Variants in DOT1L observed in about 807,000 individuals in gnomAD.
The protein encoded by DOT1L is DOT1 like histone lysine methyltransferase.
DOT1L carries 33 observed loss-of-function variants against 153.3 expected under a neutral mutation model. The observed-to-expected ratio is 0.22, with a 90% CI of 0.16 to 0.29. DOT1L has a LOEUF of 0.29. Among genes scored for constraint, DOT1L ranks in the 10% least tolerant of loss-of-function variants. The pLI is 1.00. For synonymous variants in DOT1L, 1,135 were observed against 965.1 expected (o/e 1.18, Z -3.26); for missense variants, 1,847 against 2,119.9 (o/e 0.87, Z 2.53).
chr19:2,206,694 C>G (rs748224363), intron 9 of DOT1L, 35 bp from the exon 10 acceptor site: 32 of 1,611,124 alleles, frequency 2.0e-5, no homozygotes, highest in Admixed American at 3.3e-5. Context: ...TGTTTCCTCT[C>G]TCCTGTGTGG....
At chr19:2,225,956 C>T (rs755551485) in intron 26 of DOT1L, among the ~76,000 whole-genome samples, 22 of 152,206 alleles carry the variant, frequency 1.4e-4, no homozygotes, top group Admixed American at 1.4e-3. Flanking sequence ...CAGTCCCGTC[C>T]CCTGCCATCT....
intron 22 of DOT1L, among the ~76,000 whole-genome samples, chr19:2,218,326 T>C (rs1379782168): frequency 1.2e-4 from 18 of 152,246 alleles, no homozygotes; most frequent in Non-Finnish European, 1.5e-5. Context: ...TTTCTGGGCA[T>C]TGAACTATTT....
intron 25 of DOT1L, among the ~76,000 whole-genome samples, chr19:2,225,013 C>A (rs1008309450): frequency 6.6e-6 from 1 of 152,190 alleles, no homozygotes; most frequent in Non-Finnish European, 1.5e-5. Flanking sequence ...TTGTTTGCCA[C>A]CTGAGGCACC....
intron 25 of DOT1L, 35 bp downstream of exon 25, chr19:2,223,521 G>C: frequency 6.9e-7 from 1 of 1,451,734 alleles, no homozygotes; most frequent in South Asian, 1.2e-5. Flanking sequence ...GCGGGGCCTG[G>C]CAGCAGGGGC....
intron 5 of DOT1L, among the ~76,000 whole-genome samples, chr19:2,192,908 C>T (rs1421739599): frequency 6.6e-6 from 1 of 152,210 alleles, no homozygotes; most frequent in Non-Finnish European, 1.5e-5. Context: ...CTAGCACTTG[C>T]TGGCCGGGCC....
At chr19:2,209,089 G>A (rs911395721) in intron 12 of DOT1L, 113 bp downstream of exon 12, 4 of 1,188,014 alleles carry the variant, frequency 3.4e-6, no homozygotes, top group African/African-American at 1.6e-5. Flanking sequence ...CAGCCCTGCC[G>A]CCCCTCGGGG....
In DOT1L at chr19:2,229,857, G is replaced by T; in HGVS notation, c.*65G>T. On this transcript the variant is annotated 3_prime_UTR_variant, in exon 28 of 28. Transcript: ENST00000398665. The stretch of plus-strand genomic sequence containing the variant: ...TGGACCAACTCGCGCCCGCGGCATG[G>T]TGCCCGCCGGCCTGCCGGGCTCCCA... 6.2e-7 allele frequency: 1 copy of T among 1,611,454 alleles called. No individual in the cohort carries two copies. The highest frequency in any genetic ancestry group is 8.5e-7 in the Non-Finnish European group (1 of 1,179,760).
chr19:2,187,822 T>G (rs938523632), intron 3 of DOT1L, among the ~76,000 whole-genome samples: 1 of 150,532 alleles, frequency 6.6e-6, no homozygotes, highest in Non-Finnish European at 1.5e-5. Context: ...GTCAGGAGGC[T>G]GAGGCAGGAG....
intron 16 of DOT1L, 155 bp downstream of exon 16, chr19:2,211,997 T>A: frequency 1.5e-6 from 1 of 668,114 alleles, no homozygotes; most frequent in Non-Finnish European, 2.5e-6. Flanking sequence ...CCTACCCGTT[T>A]AAACCCAAAG....
intron 26 of DOT1L, 60 bp downstream of exon 26, chr19:2,225,512 C>G (rs2024289822): frequency 4.5e-6 from 7 of 1,565,434 alleles, no homozygotes; most frequent in African/African-American, 1.4e-5. Flanking sequence ...GGTGCCCAGT[C>G]AGTGCTGCTG....
At position 2,218,033 on chromosome 19, in the gene DOT1L, G is replaced by A. The variant is rs1363850640; in HGVS notation, c.2691+115G>A. 18 of 1,430,406 alleles carry A rather than the reference G, an allele frequency of 1.3e-5. No homozygotes were observed. In the East Asian group the frequency reaches 4.2e-4, roughly 33 times the overall value. 88.6% of individuals were successfully genotyped at this position (1,430,406 alleles called of 1,614,324 possible). A position where few individuals can be genotyped will look rare whatever the true frequency, so the allele number is the denominator to read the frequency against. On this transcript the variant is annotated intron_variant, in intron 22 of 27. Coordinates refer to ENST00000398665, the MANE Select transcript of DOT1L (RefSeq NM_032482.3). ...CACGCTGTAAAATGTCGAGCGTGAG[G>A]CAATGCAGTCAAGGTGGGCTGTCCA... is the stretch of plus-strand genomic sequence containing the variant.
At chr19:2,181,452 C>A (rs181665201) in intron 2 of DOT1L, among the ~76,000 whole-genome samples, 1 of 152,196 alleles carries the variant, frequency 6.6e-6, no homozygotes, top group Non-Finnish European at 1.5e-5. Context: ...ATGCTGAGCT[C>A]CTCTTGGCCG....
intron 3 of DOT1L, among the ~76,000 whole-genome samples, chr19:2,187,361 C>T (rs538858704): frequency 1.3e-3 from 202 of 152,362 alleles, no homozygotes; most frequent in African/African-American, 3.7e-3. Flanking sequence ...CGCCCCTCCA[C>T]GTGGGTGTGT....
chr19:2,206,699 G>A (rs201346501), intron 9 of DOT1L, 30 bp from the exon 10 acceptor site: 1 of 1,612,296 alleles, frequency 6.2e-7, no homozygotes, highest in Non-Finnish European at 8.5e-7. Flanking sequence ...CCTCTCTCCT[G>A]TGTGGCAGTA....
intron 5 of DOT1L, among the ~76,000 whole-genome samples, chr19:2,192,324 T>C (rs3815147): frequency 0.47 from 71,438 of 152,092 alleles, 16,948 homozygotes; most frequent in Middle Eastern, 0.53. Context: ...AAGATCCCAC[T>C]TCTGTTTATT....
At chr19:2,228,237 G>A (rs532406822) in intron 27 of DOT1L, 2 of 1,362,494 alleles carry the variant, frequency 1.5e-6, no homozygotes, top group South Asian at 1.1e-5. Context: ...CCTGGCCCAG[G>A]CCGCGCCCGG....
chr19:2,188,010 G>A (rs1207744140), intron 3 of DOT1L, among the ~76,000 whole-genome samples: 5 of 151,616 alleles, frequency 3.3e-5, no homozygotes. Flanking sequence ...GCAGCAGGCC[G>A]GCTCTGTGGG....
intron 27 of DOT1L, chr19:2,227,936 GC>G: frequency 1.8e-6 from 2 of 1,135,314 alleles, no homozygotes; most frequent in Non-Finnish European, 2.2e-6. Context: ...CTCCCCCGCT[GC>G]CCCCGCCTGC....
In DOT1L at chr19:2,226,744, G is replaced by C. The variant is rs1382675032; in HGVS notation, c.4223G>C (p.Gly1408Ala). Residue 1408 changes from glycine (G) to alanine (A), a missense_variant, in exon 27 of 28, where the codon GGC becomes GCC. Transcript: ENST00000398665. The part of the protein sequence containing the change: ...GPTDKTPLLS[G>A]KAAKARDREV... ...ACGGACAAGACCCCACTGCTGAGCG[G>C]CAAGGCCGCCAAGGCCCGGGACCGC... 2 of 1,556,820 alleles carry C rather than the reference G, an allele frequency of 1.3e-6. No homozygotes were observed. The highest frequency in any genetic ancestry group is 1.7e-6 in the Non-Finnish European group (2 of 1,157,922).
Sources: gnomAD v4.1 joint callset for allele counts (sites outside exome capture counted in the v4.1 genomes callset) on GRCh38, gnomAD v4.1.1 for gene constraint, MANE v1.5 for transcripts, NCBI Gene and HGNC (gene_info 2026-07-23, HGNC 2026-07-21) for gene names.